CNTLN: variants seen among roughly 807,000 people sequenced by gnomAD.
The protein encoded by CNTLN is centlein, also known as centlein, centrosomal protein.
CNTLN carries 212 observed loss-of-function variants against 180.0 expected under a neutral mutation model. The ratio of observed to expected loss-of-function variants is 1.18; its 90% CI spans 1.05 to 1.32. CNTLN has a LOEUF of 1.32. Among genes scored for constraint, CNTLN ranks in the 40% most tolerant of loss-of-function variants. The pLI, the probability that CNTLN is intolerant of heterozygous loss-of-function variation, is 0.00. For missense variants in CNTLN, 2,095 were observed against 1,610.9 expected (o/e 1.30, Z -5.14); for synonymous variants, 722 against 563.1 (o/e 1.28, Z -3.99).
intron 13 of CNTLN, among the ~76,000 whole-genome samples, chr9:17,384,518 C>T (rs983071971): frequency 6.6e-6 from 1 of 152,036 alleles, no homozygotes; most frequent in East Asian, 1.9e-4. Flanking sequence ...GTGTAACAGT[C>T]ATATCAAGTG....
chr9:17,321,047 C>G (rs1335417584), intron 8 of CNTLN, among the ~76,000 whole-genome samples: 1 of 152,004 alleles, frequency 6.6e-6, no homozygotes. Context: ...AAATTTATTC[C>G]TTTATTATCT....
At chr9:17,263,437 T>A (rs1234145641) in intron 5 of CNTLN, among the ~76,000 whole-genome samples, 2 of 151,192 alleles carry the variant, frequency 1.3e-5, no homozygotes, top group Admixed American at 1.3e-4. Context: ...TAATCCAGTC[T>A]GTCTTTGTTG....
At chr9:17,510,351 ATAT>A in the CNTLN span, among the ~76,000 whole-genome samples, 8 of 152,216 alleles carry the variant, frequency 5.3e-5, no homozygotes, top group African/African-American at 1.9e-4. Context: ...TATTTCCTCC[ATAT>A]TTTGAAATGA....
intron 2 of CNTLN, among the ~76,000 whole-genome samples, chr9:17,189,073 GTTTTTT>G (rs1175101171): frequency 4.4e-5 from 3 of 68,920 alleles, no homozygotes; most frequent in African/African-American, 6.6e-5. Context: ...TTGGGACTTA[GTTTTTT>G]TTTTTTTTTT....
At chr9:17,348,571 C>G (rs1204790223) in intron 12 of CNTLN, among the ~76,000 whole-genome samples, 2 of 150,524 alleles carry the variant, frequency 1.3e-5, no homozygotes, top group Non-Finnish European at 3.0e-5. Flanking sequence ...TGCTCTGTCG[C>G]CCAGGCTGCA....
chr9:17,178,372 C>T (rs764693355), intron 2 of CNTLN, among the ~76,000 whole-genome samples: 4 of 152,338 alleles, frequency 2.6e-5, no homozygotes, highest in East Asian at 1.9e-4. Flanking sequence ...GCACCCGGGC[C>T]GCAGGTGGAG....
At chr9:17,153,520 G>C (rs114930128) in intron 2 of CNTLN, among the ~76,000 whole-genome samples, 3,031 of 152,320 alleles carry the variant, frequency 0.02, 66 homozygotes, top group African/African-American at 0.053. Flanking sequence ...TCTCCAGAGA[G>C]AGATCTGCTG....
At chr9:17,352,413 TA>T (rs1420549105) in intron 12 of CNTLN, among the ~76,000 whole-genome samples, 1,635 of 21,230 alleles carry the variant, frequency 0.077, 17 homozygotes, top group East Asian at 0.21. Flanking sequence ...TATATATATA[TA>T]TATTTTTTTT....
intron 18 of CNTLN, among the ~76,000 whole-genome samples, chr9:17,427,942 G>A (rs1256415339): frequency 1.3e-5 from 2 of 152,178 alleles, no homozygotes; most frequent in African/African-American, 4.8e-5. Context: ...CAGTGAACTA[G>A]ACACAGGTAT....
intron 2 of CNTLN, among the ~76,000 whole-genome samples, chr9:17,198,719 C>G (rs201693421): frequency 2.0e-5 from 3 of 151,350 alleles, no homozygotes; most frequent in Admixed American, 6.6e-5. Flanking sequence ...GTGATGTTCC[C>G]CTTCCTGTGT....
intron 2 of CNTLN, among the ~76,000 whole-genome samples, chr9:17,189,274 G>A (rs1821642622): frequency 6.6e-6 from 1 of 150,718 alleles, no homozygotes; most frequent in African/African-American, 2.4e-5. Flanking sequence ...AGTAGAGACG[G>A]GGTTTCACCA....
chr9:17,454,414 G>A (rs1221511056), intron 18 of CNTLN, among the ~76,000 whole-genome samples: 6 of 152,174 alleles, frequency 3.9e-5, no homozygotes, highest in African/African-American at 1.4e-4. Context: ...TATAGAGTCA[G>A]AGGAGCATAT....
At chr9:17,376,797 A>G (rs1014760435) in intron 13 of CNTLN, among the ~76,000 whole-genome samples, 4 of 152,162 alleles carry the variant, frequency 2.6e-5, no homozygotes, top group Non-Finnish European at 5.9e-5. Context: ...AGATGGGTAG[A>G]CTAATTATAT....
At chr9:17,489,662 G>A (rs113630659) in intron 25 of CNTLN, among the ~76,000 whole-genome samples, 1,581 of 152,044 alleles carry the variant, frequency 0.01, 32 homozygotes, top group African/African-American at 0.031. Context: ...TGGTAATGTG[G>A]AACTAATAAT....
rs115657519 is a variant in CNTLN, at chr9:17,361,900, A to G, written c.1887-4717A>G. 5.1e-3 allele frequency among the ~76,000 whole-genome samples: 775 copies of G among 152,350 alleles called. 5 individuals carry two copies. The highest frequency in any genetic ancestry group is 0.018 in the African/African-American group (742 of 41,582). On this transcript the variant is annotated intron_variant, in intron 12 of 25. Transcript: ENST00000380647. ...TAAATTGTGGTCCTCATACCAGAGT[A>G]TAAGAAACACCAGTGTAAGTGGATA...
downstream of CNTLN, among the ~76,000 whole-genome samples, chr9:17,505,476 A>G (rs75518478): frequency 2.6e-3 from 392 of 152,316 alleles, 2 homozygotes; most frequent in African/African-American, 9.0e-3. Context: ...TTGTGTTTCT[A>G]TACACTAGTA....
rs373304620 is a variant in CNTLN at position 17,196,230 on chromosome 9, G to C, written c.450-29973G>C. 1.8e-4 allele frequency among the ~76,000 whole-genome samples: 27 copies of C among 152,100 alleles called. No homozygotes were observed. The East Asian group carries it at 2.3e-3, about 13-fold the overall frequency. ...AGAGGCACGGGGTTTCATCATCTTGGTCAGGCTAGTCTCGAACTCTTGACC... is the reference window on the plus strand; with the variant it reads ...AGAGGCACGGGGTTTCATCATCTTGCTCAGGCTAGTCTCGAACTCTTGACC... On this transcript the variant is annotated intron_variant, in intron 2 of 25. Coordinates refer to ENST00000380647, the MANE Select transcript of CNTLN (RefSeq NM_017738.4).
intron 13 of CNTLN, among the ~76,000 whole-genome samples, chr9:17,384,501 G>T (rs1587843559): frequency 6.6e-6 from 1 of 152,182 alleles, no homozygotes; most frequent in Non-Finnish European, 1.5e-5. Context: ...CCAGAAAGAG[G>T]TGCCAAGTGT....
At chr9:17,255,922 C>G (rs1009137063) in intron 5 of CNTLN, among the ~76,000 whole-genome samples, 1 of 151,764 alleles carries the variant, frequency 6.6e-6, no homozygotes, top group African/African-American at 2.4e-5. Context: ...TTTGGATTAT[C>G]CAATGTGTTA....
Sources: allele counts gnomAD v4.1 joint callset (sites outside exome capture counted in the v4.1 genomes callset), GRCh38; gene constraint gnomAD v4.1.1; transcripts MANE v1.5; gene names NCBI Gene and HGNC (gene_info 2026-07-23, HGNC 2026-07-21).